The following BRINP1 variants were observed in gnomAD, a reference collection of about 807,000 sequenced individuals.
BRINP1 encodes BMP/retinoic acid-inducible neural-specific protein 1.
In BRINP1, 17 loss-of-function variants were observed where a neutral mutation model predicts 72.9. The ratio of observed to expected loss-of-function variants is 0.23; its 90% CI spans 0.16 to 0.35. BRINP1 has a LOEUF of 0.35. BRINP1 is among the 10% of genes least tolerant of loss of function. The pLI, the probability that BRINP1 is intolerant of heterozygous loss-of-function variation, is 1.00. For missense variants in BRINP1, 850 were observed against 1,001.6 expected (o/e 0.85, Z 2.04); for synonymous variants, 418 against 378.5 (o/e 1.10, Z -1.21).
intron 7 of BRINP1, among the ~76,000 whole-genome samples, chr9:119,182,127 A>G (rs1456764620): frequency 2.0e-5 from 3 of 152,258 alleles, no homozygotes; most frequent in African/African-American, 7.2e-5. Flanking sequence ...ATTAAACAAA[A>G]TAAATCTTGA....
chr9:119,309,033 G>A (rs1564244512), intron 2 of BRINP1, among the ~76,000 whole-genome samples: 1 of 151,772 alleles, frequency 6.6e-6, no homozygotes, highest in Non-Finnish European at 1.5e-5. Flanking sequence ...AAAATCTTTG[G>A]ACTAACTGAC....
chr9:119,185,301 A>G (rs1195242974), intron 7 of BRINP1, among the ~76,000 whole-genome samples: 7 of 152,236 alleles, frequency 4.6e-5, no homozygotes, highest in Admixed American at 1.3e-4. Context: ...ATTAACAAGA[A>G]CAATGACAAC....
chr9:119,284,271 T>C (rs1221147), intron 2 of BRINP1, among the ~76,000 whole-genome samples: 1 of 152,078 alleles, frequency 6.6e-6, no homozygotes, highest in Non-Finnish European at 1.5e-5. Context: ...AGAGACTTGA[T>C]TATCCAATTT....
chr9:119,295,878 A>G (rs572153527), intron 2 of BRINP1, among the ~76,000 whole-genome samples: 2 of 152,340 alleles, frequency 1.3e-5, no homozygotes, highest in South Asian at 2.1e-4. Context: ...GACCATATAC[A>G]ATAATCAACT....
intron 1 of BRINP1, among the ~76,000 whole-genome samples, chr9:119,362,971 G>GC (rs2119045394): frequency 6.6e-6 from 1 of 152,262 alleles, no homozygotes; most frequent in African/African-American, 2.4e-5. Flanking sequence ...ATTGTGATCT[G>GC]CCCCTGCCTA....
At chr9:119,198,153 C>T (rs1829760026) in intron 7 of BRINP1, among the ~76,000 whole-genome samples, 1 of 152,090 alleles carries the variant, frequency 6.6e-6, no homozygotes, top group Admixed American at 6.6e-5. Context: ...AGAGGCTGGC[C>T]AAGAAATGTG....
intron 1 of BRINP1, among the ~76,000 whole-genome samples, chr9:119,355,514 G>T (rs1205453995): frequency 6.6e-6 from 1 of 152,026 alleles, no homozygotes; most frequent in African/African-American, 2.4e-5. Flanking sequence ...GAATCACAAG[G>T]TCAGGAGATT....
intron 2 of BRINP1, among the ~76,000 whole-genome samples, chr9:119,294,853 TAAA>T (rs59715609): frequency 1.6e-4 from 20 of 127,994 alleles, no homozygotes; most frequent in Non-Finnish European, 1.6e-4. Flanking sequence ...GACACTACGT[TAAA>T]AAAAAAAAAA....
intron 2 of BRINP1, among the ~76,000 whole-genome samples, chr9:119,302,564 A>G (rs1419684403): frequency 6.6e-6 from 1 of 152,196 alleles, no homozygotes; most frequent in African/African-American, 2.4e-5. Context: ...TGTAGGATCC[A>G]TCACCTTAGA....
rs775918683 is a variant in BRINP1, at chr9:119,214,146, A to T, written c.695T>A (p.Ile232Lys). 6.2e-7 allele frequency: 1 copy of T among 1,612,516 alleles called. No individual in the cohort carries two copies. Among genetic ancestry groups the T allele is most frequent in the South Asian group, 1.1e-5 (1 of 91,036 alleles). ...CTCTTGCAGATACTGAGGAAAGATT[A>T]TCTGAAGACCTGTGTGAGAATAGCA... ...ESKLHLQGLQ[I>K]IFPQYLQEKF... The change falls in exon 6 of 8, where the codon ATA (isoleucine) becomes AAA (lysine). Residue 232 changes from isoleucine to lysine, a missense_variant. By Grantham distance (102) the Ile-to-Lys change is moderately radical. Transcript: ENST00000265922.
chr9:119,280,421 T>C (rs916990351), intron 2 of BRINP1, among the ~76,000 whole-genome samples: 6 of 151,396 alleles, frequency 4.0e-5, no homozygotes, highest in African/African-American at 1.5e-4. Flanking sequence ...TTTTTTTGTA[T>C]TTTTAGTAGA....
intron 7 of BRINP1, among the ~76,000 whole-genome samples, chr9:119,174,870 A>G (rs903601936): frequency 1.3e-4 from 20 of 151,218 alleles, no homozygotes; most frequent in African/African-American, 4.9e-4. Context: ...CGCAAGAACA[A>G]AAAACCAAAC....
At chr9:119,334,262 GCCAA>G (rs1831328063) in intron 1 of BRINP1, among the ~76,000 whole-genome samples, 1 of 152,338 alleles carries the variant, frequency 6.6e-6, no homozygotes, top group African/African-American at 2.4e-5. Flanking sequence ...GGCCAATCAT[GCCAA>G]CCAGCAGGAG....
Position 119,167,654 on chromosome 9 carries a change from C to G in BRINP1, c.1716G>C (p.Ser572=). ...VYVNPFSGSH[S]EGWNMPFGEF... ...CCCCGAAGGGCATGTTCCAGCCCTC[C>G]GAATGGCTCCCGCTAAAGGGGTTGA... The change falls in exon 8 of 8, where the codon TCG becomes TCC. Residue 572 remains serine, a synonymous_variant. Coordinates refer to ENST00000265922, the MANE Select transcript of BRINP1 (RefSeq NM_014618.3). This position sits in a 1 kb window ranked among gnomAD's most constrained non-coding sequence, Gnocchi z 4.3. The G allele has an allele frequency of 6.2e-7, 1 of 1,614,080 alleles. No individual in the cohort carries two copies. Among genetic ancestry groups the G allele is most frequent in the Middle Eastern group, 1.6e-4 (1 of 6,062 alleles).
intron 7 of BRINP1, among the ~76,000 whole-genome samples, chr9:119,184,031 C>T (rs997157956): frequency 6.6e-6 from 1 of 152,056 alleles, no homozygotes; most frequent in African/African-American, 2.4e-5. Context: ...TTGACTAAAT[C>T]CCCTGAGCTT....
chr9:119,297,576 T>G (rs1334126885), intron 2 of BRINP1, among the ~76,000 whole-genome samples: 13 of 152,250 alleles, frequency 8.5e-5, no homozygotes, highest in Non-Finnish European at 1.3e-4. Context: ...AAGCTTTAGC[T>G]AATAATACCA....
At chr9:119,251,613 C>CA (rs142073889) in intron 2 of BRINP1, among the ~76,000 whole-genome samples, 20,086 of 151,668 alleles carry the variant, frequency 0.13, 1,729 homozygotes, top group Non-Finnish European at 0.2. Flanking sequence ...ACAAAAACAA[C>CA]AAAAAAACTA....
chr9:119,369,259 C>T lies in BRINP1; in HGVS notation c.-254G>A. 1 of 398,812 alleles carries T rather than the reference C, an allele frequency of 2.5e-6. No individual in the cohort carries two copies. Among genetic ancestry groups the T allele is most frequent in the Non-Finnish European group, 4.4e-6 (1 of 226,200 alleles). The allele number at this position is 398,812 out of a possible 1,614,324, so 24.7% of individuals were successfully genotyped here. A position where few individuals can be genotyped will look rare whatever the true frequency, so the allele number is the denominator to read the frequency against. On this transcript the variant is annotated 5_prime_UTR_variant, in exon 1 of 8. Coordinates refer to ENST00000265922, the MANE Select transcript of BRINP1 (RefSeq NM_014618.3). ...GCTGGTCCCGAGGACAGGCATGAATCCCGGCTCCGGAAGGCGGTCACTACT... is the reference window on the plus strand; with the variant it reads ...GCTGGTCCCGAGGACAGGCATGAATTCCGGCTCCGGAAGGCGGTCACTACT...
At chr9:119,302,271 A>T (rs1830946151) in intron 2 of BRINP1, among the ~76,000 whole-genome samples, 4 of 152,228 alleles carry the variant, frequency 2.6e-5, no homozygotes, top group African/African-American at 9.6e-5. Context: ...AGTACTGCAA[A>T]AAATTAATAA....
Sources: gnomAD v4.1 joint callset for allele counts (sites outside exome capture counted in the v4.1 genomes callset) on GRCh38, gnomAD v4.1.1 for gene constraint, Gnocchi (gnomAD v3.1) non-coding constraint, MANE v1.5 for transcripts, NCBI Gene and HGNC (gene_info 2026-07-23, HGNC 2026-07-21) for gene names.